Variants in PTPRU observed in about 807,000 individuals in gnomAD.
PTPRU encodes the protein protein tyrosine phosphatase receptor type U.
PTPRU carries 69 observed loss-of-function variants against 166.3 expected under a neutral mutation model. The ratio of observed to expected loss-of-function variants is 0.41; its 90% CI spans 0.34 to 0.51. The LOEUF is 0.51. Ranked by LOEUF, PTPRU falls within the 20% of genes least tolerant of loss-of-function variation. The pLI, the probability that PTPRU is intolerant of heterozygous loss-of-function variation, is 0.09. For missense variants in PTPRU, 1,657 were observed against 2,013.7 expected (o/e 0.82, Z 3.39); for synonymous variants, 793 against 814.0 (o/e 0.97, Z 0.44).
At chr1:29,304,931 G>A in intron 17 of PTPRU, 82 bp downstream of exon 17, 2 of 1,344,944 alleles carry the variant, frequency 1.5e-6, no homozygotes, top group African/African-American at 1.4e-5. Context: ...GGTGAGCTGG[G>A]GCAGCCTCAG....
In PTPRU at chr1:29,259,551, G is replaced by T. The variant is rs1166541622; in HGVS notation, c.662G>T (p.Arg221Leu). Residue 221 changes from arginine (R) to leucine (L), a missense_variant, in exon 5 of 30, where the codon CGC (arginine) becomes CTC (leucine). Physicochemically the swap from Arg to Leu is moderately radical, Grantham distance 102. Coordinates refer to ENST00000373779, the MANE Select transcript of PTPRU (RefSeq NM_133178.4). ...MAAGRAAEAERFLLQRQSGAL... is the reference protein window; with the variant it reads ...MAAGRAAEAELFLLQRQSGAL... ...GCGGGCAGAGCGGCCGAGGCCGAACGCTTCCTCTTGCAAGTGAGCGGGAGC... is the reference window on the plus strand; with the variant it reads ...GCGGGCAGAGCGGCCGAGGCCGAACTCTTCCTCTTGCAAGTGAGCGGGAGC... 3 of 1,588,598 alleles carry T rather than the reference G, an allele frequency of 1.9e-6. No homozygotes were observed. Among genetic ancestry groups the T allele is most frequent in the Non-Finnish European group, 2.6e-6 (3 of 1,165,150 alleles).
At chr1:29,305,180 C>T (rs988745988) in intron 17 of PTPRU, among the ~76,000 whole-genome samples, 172 bp from the exon 18 acceptor site, 3 of 152,140 alleles carry the variant, frequency 2.0e-5, no homozygotes, top group African/African-American at 7.2e-5. Flanking sequence ...GGCTCTACCC[C>T]CTGGTGTGTC....
In PTPRU at chr1:29,261,599, G is replaced by A. The variant is rs112337206; in HGVS notation, c.1144+696G>A. 1.0e-2 allele frequency among the ~76,000 whole-genome samples: 1,522 copies of A among 152,240 alleles called. 34 individuals are homozygous for A. The highest frequency in any genetic ancestry group is 0.035 in the African/African-American group (1,439 of 41,546). On this transcript the variant is annotated intron_variant, in intron 7 of 29. Coordinates refer to ENST00000373779, the MANE Select transcript of PTPRU (RefSeq NM_133178.4). Reference sequence around the variant, plus strand: ...GGCTGGAGCACAGTGGCGCGATCTTGGTTCACTGCAACCTCCGCCTCCTGG... The same window carrying A: ...GGCTGGAGCACAGTGGCGCGATCTTAGTTCACTGCAACCTCCGCCTCCTGG...
chr1:29,264,312 A>G (rs1456384449), intron 7 of PTPRU, among the ~76,000 whole-genome samples: 9 of 151,796 alleles, frequency 5.9e-5, no homozygotes, highest in Admixed American at 5.9e-4. Context: ...AAAGTTTTCA[A>G]TTTATCTATT....
intron 7 of PTPRU, 149 bp from the exon 8 acceptor site, chr1:29,275,299 C>T (rs1355882477): frequency 1.2e-6 from 1 of 816,374 alleles, no homozygotes; most frequent in East Asian, 2.7e-5. Context: ...ACTTTTACTC[C>T]CTGTTTGATG....
intron 26 of PTPRU, 33 bp from the exon 27 acceptor site, chr1:29,323,338 A>C (rs1340944757): frequency 4.3e-5 from 69 of 1,597,412 alleles, no homozygotes; most frequent in Non-Finnish European, 5.8e-5. Flanking sequence ...GCCAGGCTCT[A>C]CTCAGCTCTC....
chr1:29,280,287 C>T lies in PTPRU; in HGVS notation c.1868+146C>T. On this transcript the variant is annotated intron_variant, in intron 11 of 29. Coordinates refer to ENST00000373779, the MANE Select transcript of PTPRU (RefSeq NM_133178.4). The surrounding 1 kb of genome is among the most constrained non-coding windows in gnomAD (Gnocchi z 4.2). ...CTTGGAGTGTCTGGAGGAGATTGTT[C>T]TGTGATGCTTGGCAGGCAAGAAGCC... 1.2e-6 allele frequency: 1 copy of T among 800,496 alleles called. No individual in the cohort carries two copies. Among genetic ancestry groups the T allele is most frequent in the Non-Finnish European group, 1.9e-6 (1 of 515,322 alleles). 49.6% of individuals were successfully genotyped at this position (800,496 alleles called of 1,614,324 possible).
At chr1:29,252,268 TTTC>T (rs1052202508) in intron 1 of PTPRU, among the ~76,000 whole-genome samples, 3 of 24,678 alleles carry the variant, frequency 1.2e-4, no homozygotes, top group African/African-American at 2.4e-4. Flanking sequence ...TTCTTTTTTC[TTTC>T]TTTTTTTTTT....
At chr1:29,313,382 C>T (rs1467719870) in intron 22 of PTPRU, among the ~76,000 whole-genome samples, 1 of 152,202 alleles carries the variant, frequency 6.6e-6, no homozygotes, top group African/African-American at 2.4e-5. Context: ...GTCCTCCCTG[C>T]CCTGCCACCT....
In PTPRU at chr1:29,284,851, T is replaced by A. The variant is rs1557449027; in HGVS notation, c.2300T>A (p.Ile767Asn). 6.2e-7 allele frequency: 1 copy of A among 1,612,640 alleles called. No homozygotes were observed. The highest frequency in any genetic ancestry group is 1.7e-5 in the Admixed American group (1 of 59,898). The change falls in exon 14 of 30, where the codon ATT becomes AAT. Residue 767 changes from isoleucine to asparagine, a missense_variant. Physicochemically the swap from Ile to Asn is moderately radical, Grantham distance 149 (BLOSUM62 -3). Coordinates refer to ENST00000373779, the MANE Select transcript of PTPRU (RefSeq NM_133178.4). ...AVLILLLGAI[I>N]VIIRKGKPVN... Reference sequence around the variant, plus strand: ...CTCATCCTTCTCCTGGGTGCCATCATTGTCATCATCCGCAAAGGGTGAGTG... The same window carrying A: ...CTCATCCTTCTCCTGGGTGCCATCAATGTCATCATCCGCAAAGGGTGAGTG...
chr1:29,298,585 C>T (rs10915248), intron 15 of PTPRU, among the ~76,000 whole-genome samples: 38,047 of 152,084 alleles, frequency 0.25, 6,015 homozygotes, highest in East Asian at 0.63. Context: ...ATCCTGCCTG[C>T]GAAAACCCTC....
intron 3 of PTPRU, 37 bp from the exon 4 acceptor site, chr1:29,259,224 A>G (rs1290724891): frequency 6.3e-7 from 1 of 1,583,054 alleles, no homozygotes; most frequent in Non-Finnish European, 8.6e-7. Context: ...AGGCTGGAGG[A>G]ATATCAGTAT....
Position 29,311,760 on chromosome 1 carries a change from G to A in PTPRU, c.3072+1G>A. 1 of 1,613,186 alleles carries A rather than the reference G, an allele frequency of 6.2e-7. No homozygotes were observed. Among genetic ancestry groups the A allele is most frequent in the Non-Finnish European group, 8.5e-7 (1 of 1,179,320 alleles). ...CGTGCGCACTTTTGCCCTGGAGCGG[G>A]TGAGTCTCCCCACCGCCTGTTCCCT... On this transcript the variant is annotated splice_donor_variant, in intron 21 of 29. Coordinates refer to ENST00000373779, the MANE Select transcript of PTPRU (RefSeq NM_133178.4). LOFTEE classifies it high-confidence loss of function. This position sits in a 1 kb window ranked among gnomAD's most constrained non-coding sequence, Gnocchi z 4.1.
At position 29,317,593 on chromosome 1, in the gene PTPRU, A is replaced by G. The variant is rs1687955469; in HGVS notation, c.3514-155A>G. 6.6e-6 allele frequency among the ~76,000 whole-genome samples: 1 copy of G among 152,122 alleles called. No homozygotes were observed. On this transcript the variant is annotated intron_variant, in intron 24 of 29. Transcript: ENST00000373779. The surrounding 1 kb of genome is among the most constrained non-coding windows in gnomAD (Gnocchi z 5.6). Reference sequence around the variant, plus strand: ...GCCCTATAATGGCCTAGAGACAGGGAGTCTGGCTCCGTGCCCTGTACCCTT... The same window carrying G: ...GCCCTATAATGGCCTAGAGACAGGGGGTCTGGCTCCGTGCCCTGTACCCTT...
chr1:29,277,124 A>G (rs1030426479), intron 8 of PTPRU, among the ~76,000 whole-genome samples: 2 of 151,916 alleles, frequency 1.3e-5, no homozygotes, highest in African/African-American at 4.8e-5. Flanking sequence ...TTTTTGAGAC[A>G]CAGTTTCACT....
chr1:29,284,042 T>C, intron 13 of PTPRU, 66 bp downstream of exon 13: 3 of 1,593,418 alleles, frequency 1.9e-6, no homozygotes, highest in Non-Finnish European at 2.6e-6. Flanking sequence ...GCTGGGGAGG[T>C]GGATCCTGAG....
rs766300180 is a variant in PTPRU, at chr1:29,317,700, C to CGG, written c.3514-48_3514-47insGG. The CGG allele has an allele frequency of 4.5e-5, 70 of 1,540,352 alleles. No homozygotes were observed. The highest frequency in any genetic ancestry group is 8.7e-6 in the Non-Finnish European group (10 of 1,143,244). ...TCCTTCATGGGGATGTGAGGAGGCC[C>CGG]AGCAAGCCCTGGACGTAACTCTCTG... On this transcript the variant is annotated intron_variant, in intron 24 of 29. Coordinates refer to ENST00000373779, the MANE Select transcript of PTPRU (RefSeq NM_133178.4). The surrounding 1 kb of genome is among the most constrained non-coding windows in gnomAD (Gnocchi z 5.6).
chr1:29,261,643 C>T (rs1185214772), intron 7 of PTPRU, among the ~76,000 whole-genome samples: 1 of 152,154 alleles, frequency 6.6e-6, no homozygotes, highest in African/African-American at 2.4e-5. Flanking sequence ...GATTCTTCTC[C>T]TGCCTCAGCC....
chr1:29,323,757 A>C lies in PTPRU; in HGVS notation c.4081A>C (p.Ser1361Arg). The C allele has an allele frequency of 6.2e-7, 1 of 1,613,896 alleles. No individual in the cohort carries two copies. The highest frequency in any genetic ancestry group is 8.5e-7 in the Non-Finnish European group (1 of 1,179,918). ...LAEVDKWQAE[S>R]GDGRTIVHCL... ...TGAGGTGGACAAGTGGCAGGCCGAGAGTGGGGATGGGCGCACCATCGTGCA... is the reference window on the plus strand; with the variant it reads ...TGAGGTGGACAAGTGGCAGGCCGAGCGTGGGGATGGGCGCACCATCGTGCA... The change falls in exon 28 of 30, where the codon AGT becomes CGT. Residue 1361 changes from serine (S) to arginine (R), a missense_variant. Around this residue, in one of 3 missense-constraint regions of PTPRU, gnomAD observed 1,190 missense variants for 1,477.4 expected, o/e 0.81. Transcript: ENST00000373779.
Sources: gnomAD v4.1 joint callset for allele counts (sites outside exome capture counted in the v4.1 genomes callset) on GRCh38, gnomAD v4.1.1 for gene constraint, gnomAD v4.1.1 regional missense constraint, Gnocchi (gnomAD v3.1) non-coding constraint, MANE v1.5 for transcripts, NCBI Gene and HGNC (gene_info 2026-07-23, HGNC 2026-07-21) for gene names.